DET1: variants seen among roughly 807,000 people sequenced by gnomAD.
The protein encoded by DET1 is DET1 partner of COP1 E3 ubiquitin ligase, also known as DET1 homolog.
A neutral mutation model predicts 43.7 loss-of-function variants in DET1; 22 were observed. The ratio of observed to expected loss-of-function variants is 0.50; its 90% CI spans 0.36 to 0.72. The LOEUF is 0.72. Ranked by LOEUF, DET1 falls within the 30% of genes least tolerant of loss-of-function variation. DET1 has a pLI of 0.00. For synonymous variants in DET1, 315 were observed against 266.2 expected (o/e 1.18, Z -1.79); for missense variants, 713 against 713.3 (o/e 1.00, Z 0.00).
At chr15:88,510,424 A>AC (rs1040001676), downstream of DET1, among the ~76,000 whole-genome samples, 4 of 152,214 alleles carry the variant, frequency 2.6e-5, no homozygotes, top group Non-Finnish European at 5.9e-5. Context: ...GTTCAATCAA[A>AC]CCACCTGGTT....
In DET1 at chr15:88,531,667, G is replaced by C; in HGVS notation, c.39C>G (p.Ile13Met). The C allele has an allele frequency of 6.2e-7, 1 of 1,612,332 alleles. No individual in the cohort carries two copies. ...AGCGGTGAATGACATTTTGGTTTTG[G>C]ATTCTTCGAGGCTTGATGGTAGAAA... ...HHVSTIKPRR[I>M]QNQNVIHRLE... The change falls in exon 2 of 5, where the codon ATC becomes ATG. Residue 13 changes from isoleucine to methionine, a missense_variant. Ile to Met is a conservative substitution (Grantham distance 10). Transcript: ENST00000268148. The surrounding 1 kb of genome is among the most constrained non-coding windows in gnomAD (Gnocchi z 6.2).
intron 3 of DET1, 54 bp downstream of exon 3, chr15:88,527,545 C>T (rs1598332834): frequency 6.7e-6 from 10 of 1,496,726 alleles, no homozygotes; most frequent in Non-Finnish European, 9.0e-6. Flanking sequence ...CAGCTATTGG[C>T]CTAACACCAA....
Position 88,531,491 on chromosome 15 carries a change from A to G in DET1, c.215T>C (p.Phe72Ser). The G allele has an allele frequency of 6.2e-7, 1 of 1,613,996 alleles. No individual in the cohort carries two copies. The highest frequency in any genetic ancestry group is 1.1e-5 in the South Asian group (1 of 91,084). The change falls in exon 2 of 5, where the codon TTT becomes TCT. Residue 72 changes from phenylalanine (F) to serine (S), a missense_variant. Phe to Ser is a radical substitution (Grantham distance 155). Coordinates refer to ENST00000268148, the MANE Select transcript of DET1 (RefSeq NM_001144074.3). This position sits in a 1 kb window ranked among gnomAD's most constrained non-coding sequence, Gnocchi z 6.2. ...LRKFSPDGRYFIAFSSDQTSL... is the reference protein window; with the variant it reads ...LRKFSPDGRYSIAFSSDQTSL... The stretch of plus-strand genomic sequence containing the variant: ...TGTCTGGTCTGAAGAAAAAGCAATA[A>G]AGTAGCGTCCATCAGGTGAGAATTT...
At chr15:88,545,037 A>T (rs2057211595) in intron 1 of DET1, among the ~76,000 whole-genome samples, 1 of 152,050 alleles carries the variant, frequency 6.6e-6, no homozygotes, top group African/African-American at 2.4e-5. Flanking sequence ...CCTGGGAATC[A>T]CCCTGACGCT....
chr15:88,530,999 T>G lies in DET1; in HGVS notation c.707A>C (p.Gln236Pro). Residue 236 changes from glutamine to proline, a missense_variant, in exon 2 of 5, where the codon CAA (glutamine) becomes CCA (proline). Gln to Pro is a moderately conservative substitution (Grantham distance 76). Transcript: ENST00000268148. ...KNILAILSVQ[Q>P]QTIHVFQVTP... is the part of the protein sequence containing the mutation. ...CACCTGGAAGACATGGATGGTCTGT[T>G]GTTGCACAGACAAGATGGCCAGGAT... is the stretch of plus-strand genomic sequence containing the variant. 6.2e-7 allele frequency: 1 copy of G among 1,613,806 alleles called. No individual in the cohort carries two copies. Among genetic ancestry groups the G allele is most frequent in the Non-Finnish European group, 8.5e-7 (1 of 1,179,780 alleles).
intron 1 of DET1, 172 bp downstream of exon 1, chr15:88,546,368 C>A (rs998262180): frequency 1.3e-5 from 2 of 152,312 alleles, no homozygotes; most frequent in South Asian, 2.1e-4. Flanking sequence ...GGCACACATA[C>A]CCAAAAGGGC....
intron 1 of DET1, among the ~76,000 whole-genome samples, chr15:88,537,776 G>A (rs760447576): frequency 6.6e-6 from 1 of 152,188 alleles, no homozygotes; most frequent in Non-Finnish European, 1.5e-5. Flanking sequence ...CATCCACAGG[G>A]ACTATTCCCT....
chr15:88,540,100 G>A (rs2057064952), intron 1 of DET1, among the ~76,000 whole-genome samples: 1 of 151,908 alleles, frequency 6.6e-6, no homozygotes. Flanking sequence ...CACTGCGACA[G>A]CAAGTTCAGT....
chr15:88,541,775 C>T (rs573298516), intron 1 of DET1, among the ~76,000 whole-genome samples: 4 of 152,192 alleles, frequency 2.6e-5, no homozygotes, highest in Admixed American at 1.3e-4. Flanking sequence ...ACAATTCCAC[C>T]TCCAAAGTCC....
rs1204595559 is a variant in DET1, at chr15:88,531,019, C to T, written c.687G>A (p.Leu229=). ...NQGLYLYKNI[L]AILSVQQQTI... ...TCTGTTGTTGCACAGACAAGATGGC[C>T]AGGATGTTTTTGTACAAGTACAGCC... Residue 229 remains leucine, a synonymous_variant, in exon 2 of 5, where the codon CTG becomes CTA. Coordinates refer to ENST00000268148, the MANE Select transcript of DET1 (RefSeq NM_001144074.3). This position sits in a 1 kb window ranked among gnomAD's most constrained non-coding sequence, Gnocchi z 6.2. 1 of 1,613,356 alleles carries T rather than the reference C, an allele frequency of 6.2e-7. No individual in the cohort carries two copies. Among genetic ancestry groups the T allele is most frequent in the Non-Finnish European group, 8.5e-7 (1 of 1,179,580 alleles).
intron 1 of DET1, among the ~76,000 whole-genome samples, chr15:88,533,680 A>C (rs2056875104): frequency 6.6e-6 from 1 of 152,084 alleles, no homozygotes. Context: ...AGCCAATCAC[A>C]AACAGACAAA....
chr15:88,516,881 T>TAAGACTGAGCACTGATGG lies in DET1; in HGVS notation c.1346_1363dup (p.Ser454_Tyr455insSerIleSerAlaGlnSer). On this transcript the variant is annotated inframe_insertion, in exon 4 of 5. Coordinates refer to ENST00000268148, the MANE Select transcript of DET1 (RefSeq NM_001144074.3). The surrounding 1 kb of genome is among the most constrained non-coding windows in gnomAD (Gnocchi z 4.4). ...CAAATCCAGATAGGGGCTACCGCTG[T>TAAGACTGAGCACTGATGG]AAGACTGAGCACTGATGGGGAGCTG... The TAAGACTGAGCACTGATGG allele has an allele frequency of 6.2e-7, 1 of 1,611,716 alleles. No homozygotes were observed. Among genetic ancestry groups the TAAGACTGAGCACTGATGG allele is most frequent in the Non-Finnish European group, 8.5e-7 (1 of 1,178,940 alleles).
intron 7 of DET1, chr15:88,505,133 T>A (rs2056126601): frequency 6.6e-6 from 1 of 152,246 alleles, no homozygotes; most frequent in Non-Finnish European, 1.5e-5. Context: ...AATCAGCTCC[T>A]GTTCAAAGTC....
chr15:88,530,978 T>C lies in DET1; in HGVS notation c.728A>G (p.Gln243Arg). The C allele has an allele frequency of 6.2e-7, 1 of 1,613,960 alleles. No individual in the cohort carries two copies. The highest frequency in any genetic ancestry group is 8.5e-7 in the Non-Finnish European group (1 of 1,179,864). ...AATGAAAGTGCCTTCAGGAGTCACC[T>C]GGAAGACATGGATGGTCTGTTGTTG... ...SVQQQTIHVFQVTPEGTFIDV... is the reference protein window; with the variant it reads ...SVQQQTIHVFRVTPEGTFIDV... Residue 243 changes from glutamine (Q) to arginine (R), a missense_variant, in exon 2 of 5, where the codon CAG (glutamine) becomes CGG (arginine). Coordinates refer to ENST00000268148, the MANE Select transcript of DET1 (RefSeq NM_001144074.3).
intron 3 of DET1, among the ~76,000 whole-genome samples, chr15:88,524,046 C>T (rs2056584122): frequency 6.6e-6 from 1 of 151,226 alleles, no homozygotes; most frequent in African/African-American, 2.4e-5. Context: ...GCGTCTCTGC[C>T]CGGCCGCCCA....
At chr15:88,526,707 C>G (rs2056673280) in intron 3 of DET1, among the ~76,000 whole-genome samples, 1 of 152,214 alleles carries the variant, frequency 6.6e-6, no homozygotes. Flanking sequence ...CATAACATGT[C>G]TCATCCCTAC....
In DET1 at chr15:88,512,834, G is replaced by T; in HGVS notation, c.*117C>A. 1 of 1,477,192 alleles carries T rather than the reference G, an allele frequency of 6.8e-7. No individual in the cohort carries two copies. Among genetic ancestry groups the T allele is most frequent in the Non-Finnish European group, 9.0e-7 (1 of 1,112,738 alleles). The allele number at this position is 1,477,192 out of a possible 1,614,324, so 91.5% of individuals were successfully genotyped here. A position where few individuals can be genotyped will look rare whatever the true frequency, so the allele number is the denominator to read the frequency against. ...CTCTCTCTGGCTCTCTCCCATCTGA[G>T]GTATAGCAGGCTGGAACTAACAGAG... On this transcript the variant is annotated 3_prime_UTR_variant, in exon 5 of 5. Transcript: ENST00000268148.
chr15:88,543,061 G>C (rs116557610), intron 1 of DET1, among the ~76,000 whole-genome samples: 1 of 152,164 alleles, frequency 6.6e-6, no homozygotes, highest in Admixed American at 6.5e-5. Context: ...GACAGACACC[G>C]AAGAACAGGC....
At chr15:88,528,220 T>C (rs1326985331) in intron 2 of DET1, among the ~76,000 whole-genome samples, 1 of 152,270 alleles carries the variant, frequency 6.6e-6, no homozygotes, top group Non-Finnish European at 1.5e-5. Flanking sequence ...TTTTCTTTCC[T>C]GCTGAAAAAG....
Sources: gnomAD v4.1 joint callset for allele counts (sites outside exome capture counted in the v4.1 genomes callset) on GRCh38, gnomAD v4.1.1 for gene constraint, Gnocchi (gnomAD v3.1) non-coding constraint, MANE v1.5 for transcripts, NCBI Gene and HGNC (gene_info 2026-07-23, HGNC 2026-07-21) for gene names.